The following MAP3K19 variants were observed in gnomAD, a reference collection of about 807,000 sequenced individuals.
The protein encoded by MAP3K19 is mitogen-activated protein kinase kinase kinase 19, also known as SPS1/STE20-related protein kinase YSK4.
MAP3K19 carries 91 observed loss-of-function variants against 114.4 expected under a neutral mutation model. The ratio of observed to expected loss-of-function variants is 0.80; its 90% CI spans 0.67 to 0.95. MAP3K19 has a LOEUF of 0.95. MAP3K19 is among the 40% of genes least tolerant of loss of function. MAP3K19 has a pLI of 0.00. For missense variants in MAP3K19, 1,471 were observed against 1,573.2 expected (o/e 0.94, Z 1.10); for synonymous variants, 518 against 530.5 (o/e 0.98, Z 0.32).
intron 6 of MAP3K19, among the ~76,000 whole-genome samples, chr2:135,002,581 A>G (rs144323213): frequency 8.0e-5 from 12 of 150,268 alleles, no homozygotes; most frequent in Non-Finnish European, 1.0e-4. Flanking sequence ...CATTTTGATG[A>G]TTTCCTAAAT....
chr2:134,980,243 C>A (rs1172324058), intron 12 of MAP3K19, among the ~76,000 whole-genome samples: 1 of 152,158 alleles, frequency 6.6e-6, no homozygotes, highest in African/African-American at 2.4e-5. Flanking sequence ...GAGCAGAGTA[C>A]CTGGCTAAAA....
intron 8 of MAP3K19, among the ~76,000 whole-genome samples, chr2:134,991,798 C>T (rs184313712): frequency 8.7e-4 from 132 of 152,334 alleles, no homozygotes; most frequent in Non-Finnish European, 1.7e-3. Flanking sequence ...ATTTATATCT[C>T]TATTCTGACA....
intron 5 of MAP3K19, among the ~76,000 whole-genome samples, chr2:135,018,374 T>A (rs1365534591): frequency 6.6e-6 from 1 of 151,850 alleles, no homozygotes; most frequent in Non-Finnish European, 1.5e-5. Context: ...GGGCCTCTTG[T>A]TGGCCAGGCT....
intron 2 of MAP3K19, among the ~76,000 whole-genome samples, chr2:135,031,384 G>C (rs1021526870): frequency 7.2e-5 from 11 of 152,122 alleles, no homozygotes; most frequent in Admixed American, 2.0e-4. Context: ...TGTGAATAAA[G>C]TACAGTGTGT....
chr2:135,046,278 A>G (rs1574063424), intron 1 of MAP3K19, among the ~76,000 whole-genome samples: 4 of 151,374 alleles, frequency 2.6e-5, no homozygotes, highest in Non-Finnish European at 2.9e-5. Context: ...TGTTGTTGTT[A>G]TTGTTGTTGT....
Position 135,018,099 on chromosome 2 carries a change from C to T in MAP3K19, c.138+3616G>A, listed in dbSNP as rs144263181. 1.5e-3 allele frequency among the ~76,000 whole-genome samples: 229 copies of T among 152,040 alleles called. 8 individuals are homozygous for T. The East Asian group carries it at 0.043, about 28-fold the overall frequency. ...CTCAGGTCGAGAGTTCAAGACCAGC[C>T]TGACCAACATAGAGAAACCCCGTCT... On this transcript the variant is annotated intron_variant, in intron 5 of 12. Coordinates refer to ENST00000392915, the MANE Select transcript of MAP3K19 (RefSeq NM_025052.5).
intron 9 of MAP3K19, among the ~76,000 whole-genome samples, chr2:134,989,647 A>G (rs1685416582): frequency 6.6e-6 from 1 of 152,242 alleles, no homozygotes; most frequent in Non-Finnish European, 1.5e-5. Flanking sequence ...TCATAGGAAA[A>G]GAAGGGTCAG....
At chr2:134,989,738 G>A (rs1012360266) in intron 9 of MAP3K19, among the ~76,000 whole-genome samples, 2 of 152,040 alleles carry the variant, frequency 1.3e-5, no homozygotes, top group Admixed American at 6.6e-5. Context: ...CCACCACTGG[G>A]GGAAAGAAAA....
intron 5 of MAP3K19, among the ~76,000 whole-genome samples, chr2:135,021,402 T>C (rs1179868741): frequency 6.6e-5 from 10 of 151,746 alleles, no homozygotes; most frequent in Non-Finnish European, 2.9e-5. Context: ...AAGAAATAAA[T>C]TTCTGTTTAT....
chr2:134,967,798 G>A (rs530942394), intron 12 of MAP3K19, among the ~76,000 whole-genome samples: 27 of 151,824 alleles, frequency 1.8e-4, no homozygotes, highest in Admixed American at 5.9e-4. Flanking sequence ...TATGCTGAGC[G>A]CCGGTCCCCT....
intron 2 of MAP3K19, among the ~76,000 whole-genome samples, chr2:135,037,137 C>G (rs1388452282): frequency 6.6e-6 from 1 of 152,118 alleles, no homozygotes; most frequent in Non-Finnish European, 1.5e-5. Flanking sequence ...GCTGAGATTA[C>G]AGGAACCCGC....
intron 8 of MAP3K19, among the ~76,000 whole-genome samples, chr2:134,991,829 C>T (rs1685600884): frequency 6.6e-6 from 1 of 152,150 alleles, no homozygotes; most frequent in Non-Finnish European, 1.5e-5. Context: ...GATCTCTGGA[C>T]CAGAGAGCAG....
At position 135,000,593 on chromosome 2, in the gene MAP3K19, C is replaced by T. The variant is rs77061119; in HGVS notation, c.236-578G>A. Reference sequence around the variant, plus strand: ...TCATTCATTCCTTTTTTCCATTTAACGAACTTTTATTAAGGATATGCCAAG... The same window carrying T: ...TCATTCATTCCTTTTTTCCATTTAATGAACTTTTATTAAGGATATGCCAAG... On this transcript the variant is annotated intron_variant, in intron 6 of 12. Coordinates refer to ENST00000392915, the MANE Select transcript of MAP3K19 (RefSeq NM_025052.5). 5.8e-3 allele frequency among the ~76,000 whole-genome samples: 884 copies of T among 152,200 alleles called. 11 individuals carry two copies. Among genetic ancestry groups the T allele is most frequent in the African/African-American group, 0.02 (833 of 41,544 alleles).
intron 1 of MAP3K19, among the ~76,000 whole-genome samples, chr2:135,043,587 T>C (rs538838812): frequency 1.1e-4 from 17 of 152,340 alleles, no homozygotes; most frequent in Middle Eastern, 3.4e-3. Flanking sequence ...TTGTTAACAA[T>C]AGATGAACTT....
In MAP3K19 at chr2:134,986,373, G is replaced by A. The variant is rs772341356; in HGVS notation, c.2499C>T (p.Ser833=). 1 of 1,613,870 alleles carries A rather than the reference G, an allele frequency of 6.2e-7. No individual in the cohort carries two copies. ...DISNNQILTT[S]LRDLQELEEL... The stretch of plus-strand genomic sequence containing the variant: ...CTTCAAGTTCTTGCAGATCTCTGAG[G>A]CTTGTGGTGAGTATTTGATTGTTAG... The change falls in exon 10 of 13, where the codon AGC becomes AGT. Residue 833 remains serine (S), a synonymous_variant. Coordinates refer to ENST00000392915, the MANE Select transcript of MAP3K19 (RefSeq NM_025052.5).
intron 12 of MAP3K19, among the ~76,000 whole-genome samples, chr2:134,966,566 A>T (rs1968611): frequency 0.16 from 25,002 of 152,104 alleles, 2,455 homozygotes; most frequent in Middle Eastern, 0.41. Flanking sequence ...TTCTACGGGC[A>T]CTCACTTTTC....
chr2:135,044,607 CA>C (rs1688703806), intron 1 of MAP3K19, among the ~76,000 whole-genome samples: 1 of 152,096 alleles, frequency 6.6e-6, no homozygotes. Context: ...ACAATGACAA[CA>C]AAAAAGATGT....
chr2:135,023,647 TC>T, intron 4 of MAP3K19: 1 of 462,466 alleles, frequency 2.2e-6, no homozygotes, highest in South Asian at 1.6e-5. Flanking sequence ...ATCTCGCAGT[TC>T]TGTGAATTGT....
chr2:134,967,798 G>T (rs530942394), intron 12 of MAP3K19, among the ~76,000 whole-genome samples: 1 of 151,758 alleles, frequency 6.6e-6, no homozygotes, highest in Non-Finnish European at 1.5e-5. Context: ...TATGCTGAGC[G>T]CCGGTCCCCT....
Sources: gnomAD v4.1 joint callset for allele counts (sites outside exome capture counted in the v4.1 genomes callset) on GRCh38, gnomAD v4.1.1 for gene constraint, MANE v1.5 for transcripts, NCBI Gene and HGNC (gene_info 2026-07-23, HGNC 2026-07-21) for gene names.